Variants in AP1B1 observed in about 807,000 individuals in gnomAD.
AP1B1 encodes AP-1 complex subunit beta-1.
AP1B1 carries 36 observed loss-of-function variants against 104.3 expected under a neutral mutation model. The ratio of observed to expected loss-of-function variants is 0.35; its 90% CI spans 0.26 to 0.46. AP1B1 has a LOEUF of 0.46. AP1B1 is among the 20% of genes least tolerant of loss of function. AP1B1 has a pLI of 1.00. For missense variants in AP1B1, 901 were observed against 1,247.9 expected, an observed-to-expected ratio of 0.72 and a Z score of 4.19; for synonymous variants, 504 against 517.5, an observed-to-expected ratio of 0.97 and a Z score of 0.35.
intron 2 of AP1B1, among the ~76,000 whole-genome samples, chr22:29,365,975 CA>C (rs1182478820): frequency 6.6e-6 from 1 of 152,140 alleles, no homozygotes; most frequent in Non-Finnish European, 1.5e-5. Flanking sequence ...GGTAGGTTCT[CA>C]GTAAAAACCA....
chr22:29,349,670 C>T (rs538908976), intron 10 of AP1B1, among the ~76,000 whole-genome samples: 101 of 152,274 alleles, frequency 6.6e-4, no homozygotes, highest in African/African-American at 2.1e-3. Flanking sequence ...CATGCCACCA[C>T]ATCCAGCTAA....
intron 16 of AP1B1, among the ~76,000 whole-genome samples, chr22:29,335,898 ACG>A (rs1200471812): frequency 6.6e-6 from 1 of 152,202 alleles, no homozygotes; most frequent in African/African-American, 2.4e-5. Context: ...CTGAGAGAGT[ACG>A]CAGAAGCTGG....
At chr22:29,374,527 G>C (rs969246467) in intron 1 of AP1B1, among the ~76,000 whole-genome samples, 3 of 151,216 alleles carry the variant, frequency 2.0e-5, no homozygotes, top group South Asian at 2.1e-4. Context: ...TAATATAATG[G>C]TTCAAGCTTA....
At position 29,339,130 on chromosome 22, in the gene AP1B1, C is replaced by A; in HGVS notation, c.2023G>T (p.Gly675Trp). ...GGAGGTGCCACGAAGTTGGTGCCCC[C>A]AATCTGGAAAGGGAGGGAAAGAGTC... ...SLMGDEPEGI[G>W]GTNFVAPPTA... The change falls in exon 16 of 23, where the codon GGG becomes TGG. Residue 675 changes from glycine to tryptophan, a missense_variant. By Grantham distance (184) the Gly-to-Trp change is radical. Around this residue, in one of 3 missense-constraint regions of AP1B1, gnomAD observed 424 missense variants for 494.0 expected, o/e 0.86. Coordinates refer to ENST00000357586, the MANE Select transcript of AP1B1 (RefSeq NM_001127.4). 2 of 1,614,124 alleles carry A rather than the reference C, an allele frequency of 1.2e-6. No homozygotes were observed. Among genetic ancestry groups the A allele is most frequent in the Non-Finnish European group, 1.7e-6 (2 of 1,180,040 alleles).
chr22:29,378,534 GAGAA>G (rs1186388882), intron 1 of AP1B1, among the ~76,000 whole-genome samples: 1 of 106,740 alleles, frequency 9.4e-6, no homozygotes, highest in Admixed American at 1.2e-4. Context: ...GCCTGGGCGA[GAGAA>G]AGAAACTCCG....
chr22:29,353,907 C>T (rs1035882371), intron 7 of AP1B1, among the ~76,000 whole-genome samples: 2 of 152,234 alleles, frequency 1.3e-5, no homozygotes, highest in Non-Finnish European at 2.9e-5. Context: ...GTCAATCCCC[C>T]TCCCCAGAGC....
intron 17 of AP1B1, chr22:29,333,242 G>A (rs1225524831): frequency 6.5e-6 from 1 of 154,788 alleles, no homozygotes; most frequent in Non-Finnish European, 1.5e-5. Context: ...GAATCATCAG[G>A]AGGGGCTGCC....
At position 29,376,907 on chromosome 22, in the gene AP1B1, G is replaced by A. The variant is rs2062351892; in HGVS notation, c.-27-9637C>T. ...TTGTCTGACAATCTCCTTTTAAAAA[G>A]GGAAAGGGGCCGGGCATGCTGGCTC... On this transcript the variant is annotated intron_variant, in intron 1 of 22. Coordinates refer to ENST00000357586, the MANE Select transcript of AP1B1 (RefSeq NM_001127.4). Among the ~76,000 whole-genome samples, 3 of 152,062 alleles carry A rather than the reference G, an allele frequency of 2.0e-5. 1 individual carries two copies. In the South Asian group the frequency reaches 6.2e-4, roughly 32 times the overall value.
chr22:29,330,883 G>A (rs983383998), intron 19 of AP1B1, among the ~76,000 whole-genome samples, 174 bp from the exon 20 acceptor site: 2 of 152,170 alleles, frequency 1.3e-5, no homozygotes, highest in African/African-American at 4.8e-5. Flanking sequence ...CTCTGTGAGG[G>A]AGGCCCCAGT....
chr22:29,337,507 C>A (rs1406086325), intron 16 of AP1B1, among the ~76,000 whole-genome samples: 1 of 152,188 alleles, frequency 6.6e-6, no homozygotes, highest in East Asian at 1.9e-4. Flanking sequence ...GCTCCCTAGT[C>A]ATGACAGAGC....
At chr22:29,347,257 G>C (rs1393813179) in intron 11 of AP1B1, among the ~76,000 whole-genome samples, 2 of 152,144 alleles carry the variant, frequency 1.3e-5, no homozygotes, top group Non-Finnish European at 2.9e-5. Flanking sequence ...TTTTTGGCCT[G>C]GACTAGTTTG....
chr22:29,332,129 T>G, intron 17 of AP1B1: 1 of 519,192 alleles, frequency 1.9e-6, no homozygotes, highest in Non-Finnish European at 3.4e-6. Context: ...CCCAGGCCAA[T>G]TGCTCTGCTC....
In AP1B1 at chr22:29,328,647, G is replaced by A. The variant is rs972193114; in HGVS notation, c.*174C>T. 6.8e-6 allele frequency: 5 copies of A among 738,102 alleles called. No homozygotes were observed. Among genetic ancestry groups the A allele is most frequent in the African/African-American group, 1.8e-5 (1 of 56,290 alleles). The allele number at this position is 738,102 out of a possible 1,614,324, so 45.7% of individuals were successfully genotyped here. A position where few individuals can be genotyped will look rare whatever the true frequency, so the allele number is the denominator to read the frequency against. ...GGAGTGCACTGCGCTCTCACCCCAG[G>A]AGGGGGTGGTGCCCTACCCCAGGGA... On this transcript the variant is annotated 3_prime_UTR_variant, in exon 23 of 23. Coordinates refer to ENST00000357586, the MANE Select transcript of AP1B1 (RefSeq NM_001127.4). The surrounding 1 kb of genome is among the most constrained non-coding windows in gnomAD (Gnocchi z 4.1).
chr22:29,356,649 G>A, intron 5 of AP1B1, 33 bp from the exon 6 acceptor site: 1 of 1,603,218 alleles, frequency 6.2e-7, no homozygotes. Context: ...CAGAGGCTGG[G>A]GGTGCTGCTC....
intron 1 of AP1B1, among the ~76,000 whole-genome samples, chr22:29,371,119 C>G (rs1385263316): frequency 6.6e-6 from 1 of 152,228 alleles, no homozygotes; most frequent in African/African-American, 2.4e-5. Flanking sequence ...TCCCTACCTA[C>G]AGCTTAGTGA....
chr22:29,369,156 G>C (rs1479275392), intron 1 of AP1B1, among the ~76,000 whole-genome samples: 2 of 152,104 alleles, frequency 1.3e-5, no homozygotes, highest in African/African-American at 4.8e-5. Context: ...CAAGATGAAA[G>C]TTACTAGTGC....
At chr22:29,373,355 A>G (rs962363698) in intron 1 of AP1B1, among the ~76,000 whole-genome samples, 4 of 152,232 alleles carry the variant, frequency 2.6e-5, no homozygotes, top group Admixed American at 6.5e-5. Flanking sequence ...ACAAGGGCTA[A>G]TGTGAGAATG....
rs757871747 is a variant in AP1B1 at position 29,350,156 on chromosome 22, T to C, written c.1156-6A>G. 125 of 1,613,196 alleles carry C rather than the reference T, an allele frequency of 7.7e-5. No homozygotes were observed. Among genetic ancestry groups the C allele is most frequent in the Non-Finnish European group, 1.0e-4 (118 of 1,179,354 alleles). The stretch of plus-strand genomic sequence containing the variant: ...ACACAGCGCTCCGCAGATTGCTGCA[T>C]GGGAAGAGAAGAGTGTGGGCGAGGT... On this transcript the variant is annotated splice_region_variant and splice_polypyrimidine_tract_variant and intron_variant, in intron 9 of 22. Coordinates refer to ENST00000357586, the MANE Select transcript of AP1B1 (RefSeq NM_001127.4).
intron 1 of AP1B1, among the ~76,000 whole-genome samples, chr22:29,379,030 A>T (rs1195020185): frequency 6.6e-6 from 1 of 152,060 alleles, no homozygotes. Context: ...ACTGATCTAT[A>T]AGCCGTAATG....
Sources: allele counts gnomAD v4.1 joint callset (sites outside exome capture counted in the v4.1 genomes callset), GRCh38; gene constraint gnomAD v4.1.1; regional missense constraint gnomAD v4.1.1; non-coding constraint Gnocchi (gnomAD v3.1); transcripts MANE v1.5; gene names NCBI Gene and HGNC (gene_info 2026-07-23, HGNC 2026-07-21).